The following GAREM1 variants were observed in gnomAD, a reference collection of about 807,000 sequenced individuals.
GAREM1 encodes GRB2-associated and regulator of MAPK protein 1.
Under a neutral mutation model 71.3 loss-of-function variants are expected in GAREM1, and 26 were observed. The observed-to-expected ratio is 0.36, with a 90% CI of 0.27 to 0.51. The LOEUF is 0.51. GAREM1 is among the 20% of genes least tolerant of loss of function. The pLI, the probability that GAREM1 is intolerant of heterozygous loss-of-function variation, is 0.95. For synonymous variants in GAREM1, 440 were observed against 433.2 expected, an observed-to-expected ratio of 1.02 and a Z score of -0.20; for missense variants, 1,026 against 1,103.1, an observed-to-expected ratio of 0.93 and a Z score of 0.99.
At chr18:32,390,232 A>AT (rs1297724557) in intron 2 of GAREM1, among the ~76,000 whole-genome samples, 4 of 148,268 alleles carry the variant, frequency 2.7e-5, no homozygotes, top group Admixed American at 6.6e-5. Flanking sequence ...CTGTTTATAA[A>AT]ATTTTTTTTA....
At chr18:32,362,547 C>G (rs1006926888) in intron 2 of GAREM1, among the ~76,000 whole-genome samples, 1 of 152,154 alleles carries the variant, frequency 6.6e-6, no homozygotes, top group African/African-American at 2.4e-5. Flanking sequence ...GAGAGAAGTT[C>G]CTGGGAACCA....
At chr18:32,357,809 C>T (rs952146562) in intron 2 of GAREM1, among the ~76,000 whole-genome samples, 6 of 152,086 alleles carry the variant, frequency 3.9e-5, no homozygotes, top group Non-Finnish European at 7.4e-5. Flanking sequence ...TGGAACACTG[C>T]AATTATAAAT....
At chr18:32,460,912 C>T (rs750048365) in intron 1 of GAREM1, among the ~76,000 whole-genome samples, 31 of 152,090 alleles carry the variant, frequency 2.0e-4, no homozygotes, top group African/African-American at 6.5e-4. Flanking sequence ...ATCTTAACTT[C>T]AGAATGAAAA....
Position 32,470,102 on chromosome 18 carries a change from A to C in GAREM1, c.121+206T>G, listed in dbSNP as rs535649329. ...GGGCGTCCTTTTTAATTATACTGCAAGGACTCTGATTTCCACCTCCTTGTC... is the reference window on the plus strand; with the variant it reads ...GGGCGTCCTTTTTAATTATACTGCACGGACTCTGATTTCCACCTCCTTGTC... On this transcript the variant is annotated intron_variant, in intron 1 of 5. Transcript: ENST00000269209. The surrounding 1 kb of genome is among the most constrained non-coding windows in gnomAD (Gnocchi z 4.4). Among the ~76,000 whole-genome samples, 5 of 152,162 alleles carry C rather than the reference A, an allele frequency of 3.3e-5. No homozygotes were observed. The East Asian group carries it at 7.7e-4, about 24-fold the overall frequency.
chr18:32,371,062 C>T (rs1453048317), intron 2 of GAREM1, among the ~76,000 whole-genome samples: 2 of 152,020 alleles, frequency 1.3e-5, no homozygotes, highest in Admixed American at 1.3e-4. Context: ...TATAGGAATG[C>T]CAAGGAAGCA....
Position 32,350,988 on chromosome 18 carries a change from T to C in GAREM1, c.263-40665A>G, listed in dbSNP as rs183002140. ...GAGTACAAATACTGGCAAAATGTTA[T>C]GTAGAAAAAGTTGACTTGAATTTTT... On this transcript the variant is annotated intron_variant, in intron 2 of 5. Coordinates refer to ENST00000269209, the MANE Select transcript of GAREM1 (RefSeq NM_001242409.2). 1.5e-4 allele frequency among the ~76,000 whole-genome samples: 23 copies of C among 152,260 alleles called. No individual in the cohort carries two copies. The East Asian group carries it at 3.3e-3, about 22-fold the overall frequency.
In GAREM1 at chr18:32,326,852, T is replaced by C. The variant is rs144139367; in HGVS notation, c.263-16529A>G. ...CTCTTCCATGTTAAACAGGCTGCGG[T>C]GCAAGGGTAGGATGGTTGCTCAGTA... On this transcript the variant is annotated intron_variant, in intron 2 of 5. Coordinates refer to ENST00000269209, the MANE Select transcript of GAREM1 (RefSeq NM_001242409.2). Among the ~76,000 whole-genome samples the C allele has an allele frequency of 2.5e-3, 384 of 152,308 alleles. 1 individual carries two copies. The highest frequency in any genetic ancestry group is 6.8e-3 in the Middle Eastern group (2 of 294).
chr18:32,306,500 C>T (rs1187754070), intron 3 of GAREM1, among the ~76,000 whole-genome samples: 3 of 152,046 alleles, frequency 2.0e-5, no homozygotes, highest in East Asian at 3.9e-4. Flanking sequence ...ACATCCTCCA[C>T]CCCACAGTCA....
intron 3 of GAREM1, among the ~76,000 whole-genome samples, chr18:32,295,047 G>A (rs954078653): frequency 3.3e-5 from 5 of 151,950 alleles, no homozygotes; most frequent in African/African-American, 1.2e-4. Flanking sequence ...ATGGTCATAT[G>A]TTTATTTTTG....
chr18:32,419,829 T>C (rs1023712812), intron 1 of GAREM1, among the ~76,000 whole-genome samples: 1 of 152,196 alleles, frequency 6.6e-6, no homozygotes, highest in African/African-American at 2.4e-5. Flanking sequence ...AGATACAGAA[T>C]TAAAGAGAAT....
At chr18:32,409,275 T>C (rs368436660) in intron 1 of GAREM1, among the ~76,000 whole-genome samples, 14 of 152,182 alleles carry the variant, frequency 9.2e-5, no homozygotes, top group African/African-American at 3.1e-4. Context: ...GAAAGCAGAG[T>C]ATATAAGAAA....
intron 1 of GAREM1, among the ~76,000 whole-genome samples, chr18:32,460,720 C>T (rs986674700): frequency 3.9e-5 from 6 of 152,194 alleles, no homozygotes; most frequent in Non-Finnish European, 7.4e-5. Context: ...ATCCGTGGTG[C>T]CCAGAGATGA....
intron 2 of GAREM1, among the ~76,000 whole-genome samples, chr18:32,320,477 G>A (rs945599173): frequency 2.6e-5 from 4 of 152,120 alleles, no homozygotes. Flanking sequence ...TGGAAGTGGA[G>A]TTGGGGGAAA....
At chr18:32,285,100 G>A (rs1389880925) in intron 4 of GAREM1, among the ~76,000 whole-genome samples, 1 of 152,050 alleles carries the variant, frequency 6.6e-6, no homozygotes, top group African/African-American at 2.4e-5. Context: ...GGGAATTGCT[G>A]ACATAAACCC....
intron 1 of GAREM1, among the ~76,000 whole-genome samples, chr18:32,453,123 G>A (rs1984915): frequency 0.54 from 81,717 of 151,844 alleles, 22,234 homozygotes; most frequent in East Asian, 0.64. Context: ...TGAAAGGCAC[G>A]TCTTACGCGG....
intron 3 of GAREM1, among the ~76,000 whole-genome samples, chr18:32,290,790 T>C (rs2047075102): frequency 1.3e-5 from 2 of 152,198 alleles, no homozygotes; most frequent in Admixed American, 1.3e-4. Context: ...AAGATACCAC[T>C]TCTTACCTAA....
intron 1 of GAREM1, among the ~76,000 whole-genome samples, chr18:32,437,260 CT>C (rs2144267511): frequency 6.6e-6 from 1 of 152,244 alleles, no homozygotes; most frequent in Non-Finnish European, 1.5e-5. Context: ...ACAGTAGCTC[CT>C]GTGCTTGCTT....
In GAREM1 at chr18:32,283,486, G is replaced by T. The variant is rs370570954; in HGVS notation, c.1566+3545C>A. 2.1e-4 allele frequency among the ~76,000 whole-genome samples: 32 copies of T among 152,262 alleles called. 1 individual carries two copies. The highest frequency in any genetic ancestry group is 7.5e-4 in the African/African-American group (31 of 41,540). On this transcript the variant is annotated intron_variant, in intron 4 of 5. Coordinates refer to ENST00000269209, the MANE Select transcript of GAREM1 (RefSeq NM_001242409.2). ...CACTTGAACCCGGGAGACGGAGGTT[G>T]CAGTGAGCCAAGATCGTGCACTGCA...
intron 2 of GAREM1, among the ~76,000 whole-genome samples, chr18:32,359,104 C>CA (rs1598987513): frequency 6.6e-6 from 1 of 152,082 alleles, no homozygotes; most frequent in South Asian, 2.1e-4. Flanking sequence ...TTGAAAAAAG[C>CA]AAAAAACTAT....
Sources: gnomAD v4.1 joint callset for allele counts (sites outside exome capture counted in the v4.1 genomes callset) on GRCh38, gnomAD v4.1.1 for gene constraint, Gnocchi (gnomAD v3.1) non-coding constraint, MANE v1.5 for transcripts, NCBI Gene and HGNC (gene_info 2026-07-23, HGNC 2026-07-21) for gene names.